Variants in PITPNM2 observed in about 807,000 individuals in gnomAD.
PITPNM2 encodes the protein phosphatidylinositol transfer protein membrane associated 2.
Under a neutral mutation model 132.2 loss-of-function variants are expected in PITPNM2, and 35 were observed. The ratio of observed to expected loss-of-function variants is 0.26; its 90% CI spans 0.20 to 0.35. PITPNM2 has a LOEUF of 0.35. Among genes scored for constraint, PITPNM2 ranks in the 10% least tolerant of loss-of-function variants. PITPNM2 has a pLI of 1.00. For synonymous variants in PITPNM2, 738 were observed against 799.2 expected (o/e 0.92, Z 1.29); for missense variants, 1,332 against 1,912.0 (o/e 0.70, Z 5.66).
rs2038830322 is a variant in PITPNM2 at position 123,004,394 on chromosome 12, C to T, written c.1048G>A (p.Glu350Lys). ...GGACTGCAGAGCGCTGCCTGCCTACCGTGCGCATCGAAGAACTCATCATCT... is the reference window on the plus strand; with the variant it reads ...GGACTGCAGAGCGCTGCCTGCCTACTGTGCGCATCGAAGAACTCATCATCT... ...SSDDEFFDAH[E>K]DLSDTEEMFP... The change falls in exon 8 of 26, where the codon GAG becomes AAG. Residue 350 changes from glutamate to lysine, a missense_variant and splice_region_variant. Glu to Lys is a moderately conservative substitution (Grantham distance 56). Around this residue, in one of 6 missense-constraint regions of PITPNM2, gnomAD observed 710 missense variants for 911.5 expected, o/e 0.78. Coordinates refer to ENST00000320201, the MANE Select transcript of PITPNM2 (RefSeq NM_020845.3). The surrounding 1 kb of genome is among the most constrained non-coding windows in gnomAD (Gnocchi z 4.9). The T allele has an allele frequency of 6.2e-7, 1 of 1,613,660 alleles. No homozygotes were observed. The highest frequency in any genetic ancestry group is 8.5e-7 in the Non-Finnish European group (1 of 1,179,982).
intron 1 of PITPNM2, among the ~76,000 whole-genome samples, chr12:123,124,999 T>C (rs982613013): frequency 2.0e-5 from 3 of 152,164 alleles, no homozygotes; most frequent in African/African-American, 7.2e-5. Flanking sequence ...CGCTCTGTAG[T>C]CCAGATGGAG....
In PITPNM2 at chr12:122,984,981, A is replaced by G. The variant is rs1441442226; in HGVS notation, c.*1046T>C. On this transcript the variant is annotated 3_prime_UTR_variant, in exon 26 of 26. Coordinates refer to ENST00000320201, the MANE Select transcript of PITPNM2 (RefSeq NM_020845.3). Reference sequence around the variant, plus strand: ...GATTCGGCATGAAAACGGAATTGGCATTAAAAAAACCGAAGTGTGTGCCCC... The same window carrying G: ...GATTCGGCATGAAAACGGAATTGGCGTTAAAAAAACCGAAGTGTGTGCCCC... The G allele has an allele frequency of 2.6e-5, 4 of 152,330 alleles. No individual in the cohort carries two copies. The highest frequency in any genetic ancestry group is 7.2e-5 in the African/African-American group (3 of 41,442). The allele number at this position is 152,330 out of a possible 1,614,324, so 9.4% of individuals were successfully genotyped here.
intron 1 of PITPNM2, among the ~76,000 whole-genome samples, chr12:123,148,283 T>C (rs1246827984): frequency 6.6e-6 from 1 of 152,196 alleles, no homozygotes; most frequent in Non-Finnish European, 1.5e-5. Context: ...CTAAGCGAAG[T>C]TGAGAACTGG....
chr12:123,112,735 T>G (rs542127087), intron 1 of PITPNM2, among the ~76,000 whole-genome samples: 1 of 152,232 alleles, frequency 6.6e-6, no homozygotes, highest in African/African-American at 2.4e-5. Flanking sequence ...AGACGGGGTT[T>G]CACCATGTTA....
chr12:123,118,955 G>A (rs145214624), intron 1 of PITPNM2, among the ~76,000 whole-genome samples: 7 of 152,340 alleles, frequency 4.6e-5, no homozygotes, highest in East Asian at 3.9e-4. Context: ...CTGCAGGGAC[G>A]TGAAACAGTG....
chr12:123,020,507 G>A (rs959492828), intron 3 of PITPNM2, among the ~76,000 whole-genome samples: 13 of 152,298 alleles, frequency 8.5e-5, no homozygotes, highest in Middle Eastern at 3.4e-3. Context: ...CAGGAAGAAC[G>A]TCCTGGTACA....
chr12:123,122,366 G>T (rs1489164450), intron 1 of PITPNM2, among the ~76,000 whole-genome samples: 1 of 152,196 alleles, frequency 6.6e-6, no homozygotes, highest in Non-Finnish European at 1.5e-5. Flanking sequence ...GGAGGCTGAG[G>T]CAGGAGAATC....
intron 2 of PITPNM2, among the ~76,000 whole-genome samples, chr12:123,038,950 C>T (rs1213442285): frequency 2.0e-5 from 3 of 151,960 alleles, no homozygotes; most frequent in Non-Finnish European, 2.9e-5. Flanking sequence ...AAATCATACA[C>T]TTAAAAAAAA....
In PITPNM2 at chr12:123,093,484, G is replaced by A. The variant is rs982614961; in HGVS notation, c.-96+16901C>T. Among the ~76,000 whole-genome samples, 13 of 137,650 alleles carry A rather than the reference G, an allele frequency of 9.4e-5. No homozygotes were observed. In the East Asian group the frequency reaches 1.4e-3, roughly 14 times the overall value. The allele number at this position is 137,650 out of a possible 152,430, so 90.3% of individuals were successfully genotyped here. A position where few individuals can be genotyped will look rare whatever the true frequency, so the allele number is the denominator to read the frequency against. ...AATACACACACGCACACACACACAC[G>A]CGCACACACACACACACCTTGAAAT... is the stretch of plus-strand genomic sequence containing the variant. On this transcript the variant is annotated intron_variant, in intron 2 of 25. Transcript: ENST00000320201.
intron 2 of PITPNM2, among the ~76,000 whole-genome samples, chr12:123,039,447 AATG>A (rs1435186748): frequency 1.3e-5 from 2 of 152,204 alleles, no homozygotes; most frequent in East Asian, 3.8e-4. Flanking sequence ...ACTGTACACA[AATG>A]ATAATACAAC....
At chr12:123,066,259 A>G (rs2041408954) in intron 2 of PITPNM2, among the ~76,000 whole-genome samples, 1 of 152,118 alleles carries the variant, frequency 6.6e-6, no homozygotes, top group South Asian at 2.1e-4. Context: ...AAGTGTCAAG[A>G]TCGAGCAAGG....
chr12:123,072,676 A>G (rs2041651305), intron 2 of PITPNM2, among the ~76,000 whole-genome samples: 1 of 152,232 alleles, frequency 6.6e-6, no homozygotes, highest in South Asian at 2.1e-4. Context: ...CCCTGTCAAC[A>G]GCTGCTCAAG....
intron 9 of PITPNM2, 32 bp downstream of exon 9, chr12:123,001,022 C>T (rs1396665437): frequency 6.3e-7 from 1 of 1,598,532 alleles, no homozygotes; most frequent in Admixed American, 1.7e-5. Context: ...ACCGCCCTCC[C>T]CAGGCTCTGC....
rs1333708199 is a variant in PITPNM2 at position 122,983,714 on chromosome 12, C to T, written c.*2313G>A. 3.3e-5 allele frequency: 5 copies of T among 151,676 alleles called. No individual in the cohort carries two copies. Among genetic ancestry groups the T allele is most frequent in the African/African-American group, 7.3e-5 (3 of 41,184 alleles). 9.4% of individuals were successfully genotyped at this position (151,676 alleles called of 1,614,324 possible). ...CGAGCCAGGGAGGGGTGGGGGGTCT[C>T]TGCTGAATCCCTCTTTAGAAATCAA... On this transcript the variant is annotated 3_prime_UTR_variant, in exon 26 of 26. Transcript: ENST00000320201.
chr12:123,011,153 T>C (rs991990589), intron 5 of PITPNM2, among the ~76,000 whole-genome samples: 6 of 152,216 alleles, frequency 3.9e-5, no homozygotes, highest in Admixed American at 3.3e-4. Flanking sequence ...AGTAAAGGGT[T>C]TGTGGCTCAC....
At chr12:123,076,697 G>A (rs1301814832) in intron 2 of PITPNM2, among the ~76,000 whole-genome samples, 1 of 152,188 alleles carries the variant, frequency 6.6e-6, no homozygotes, top group African/African-American at 2.4e-5. Flanking sequence ...TTTCAGAGTT[G>A]ACTATGGGTT....
chr12:123,079,504 A>G (rs1473920461), intron 2 of PITPNM2, among the ~76,000 whole-genome samples: 1 of 148,772 alleles, frequency 6.7e-6, no homozygotes, highest in Non-Finnish European at 1.5e-5. Flanking sequence ...CCACCACCAC[A>G]CCCAGCTAAT....
At chr12:123,006,340 GAATAT>G (rs1022947844) in intron 6 of PITPNM2, among the ~76,000 whole-genome samples, 10 of 151,928 alleles carry the variant, frequency 6.6e-5, no homozygotes, top group African/African-American at 2.2e-4. Flanking sequence ...AGATATATAA[GAATAT>G]ATTATACATA....
chr12:123,014,952 G>T (rs2136272729), intron 3 of PITPNM2, among the ~76,000 whole-genome samples: 1 of 152,204 alleles, frequency 6.6e-6, no homozygotes, highest in African/African-American at 2.4e-5. Flanking sequence ...GCCTCTGAAA[G>T]AATAAATACC....
Sources: gnomAD v4.1 joint callset for allele counts (sites outside exome capture counted in the v4.1 genomes callset) on GRCh38, gnomAD v4.1.1 for gene constraint, gnomAD v4.1.1 regional missense constraint, Gnocchi (gnomAD v3.1) non-coding constraint, MANE v1.5 for transcripts, NCBI Gene and HGNC (gene_info 2026-07-23, HGNC 2026-07-21) for gene names.